The following NCAM2 variants were observed in gnomAD, a reference collection of about 807,000 sequenced individuals.
The protein encoded by NCAM2 is N-CAM-2.
Under a neutral mutation model 98.1 loss-of-function variants are expected in NCAM2, and 30 were observed. That is an observed-to-expected ratio of 0.31 (90% CI 0.23 to 0.41). The LOEUF (loss-of-function observed/expected upper bound fraction) is 0.41, where lower values mean the gene tolerates loss of function less well. Among genes scored for constraint, NCAM2 ranks in the 10% least tolerant of loss-of-function variants. NCAM2 has a pLI of 1.00. For missense variants in NCAM2, 867 were observed against 1,005.8 expected (o/e 0.86, Z 1.87); for synonymous variants, 368 against 342.4 (o/e 1.07, Z -0.83).
intron 1 of NCAM2, among the ~76,000 whole-genome samples, chr21:21,243,289 T>C (rs543441051): frequency 2.0e-5 from 3 of 152,296 alleles, no homozygotes; most frequent in Admixed American, 6.5e-5. Context: ...TGCATAGATA[T>C]GTTCTCAGGC....
At chr21:21,067,595 C>T (rs895012353) in intron 1 of NCAM2, among the ~76,000 whole-genome samples, 1 of 152,108 alleles carries the variant, frequency 6.6e-6, no homozygotes, top group Non-Finnish European at 1.5e-5. Context: ...CTTGCATCAT[C>T]CTACTTTTCA....
intron 1 of NCAM2, among the ~76,000 whole-genome samples, chr21:21,214,967 A>G (rs1027425812): frequency 6.6e-6 from 1 of 151,908 alleles, no homozygotes; most frequent in Non-Finnish European, 1.5e-5. Context: ...TACTGAAAGA[A>G]ACTCTTGGCA....
At chr21:21,322,098 C>T (rs562570688) in intron 5 of NCAM2, among the ~76,000 whole-genome samples, 2 of 152,236 alleles carry the variant, frequency 1.3e-5, no homozygotes. Context: ...AAATGCAGTA[C>T]CTATACACCA....
intron 1 of NCAM2, among the ~76,000 whole-genome samples, chr21:21,072,548 G>A (rs895177074): frequency 1.3e-5 from 2 of 151,964 alleles, no homozygotes; most frequent in Non-Finnish European, 2.9e-5. Flanking sequence ...TTTTATAGAG[G>A]ACCAGATAAA....
At chr21:21,242,657 C>T (rs1601743455) in intron 1 of NCAM2, among the ~76,000 whole-genome samples, 1 of 152,138 alleles carries the variant, frequency 6.6e-6, no homozygotes, top group Non-Finnish European at 1.5e-5. Context: ...TTGGAAATAA[C>T]AGAATTTCCT....
At chr21:21,034,800 C>T (rs6417713) in intron 1 of NCAM2, among the ~76,000 whole-genome samples, 145,835 of 152,190 alleles carry the variant, frequency 0.96, 70,189 homozygotes, top group East Asian at 1. Flanking sequence ...ATGGCAAGTT[C>T]AATTTATTTG....
chr21:21,000,478 A>G (rs947469737), intron 1 of NCAM2, among the ~76,000 whole-genome samples: 1 of 152,176 alleles, frequency 6.6e-6, no homozygotes, highest in Admixed American at 6.5e-5. Flanking sequence ...TAAATAGTAC[A>G]CAGAGACATA....
chr21:21,132,206 T>C (rs1220593552), intron 1 of NCAM2, among the ~76,000 whole-genome samples: 1 of 152,168 alleles, frequency 6.6e-6, no homozygotes, highest in African/African-American at 2.4e-5. Context: ...TCACTCTTTT[T>C]TACTCTCACT....
intron 1 of NCAM2, among the ~76,000 whole-genome samples, chr21:21,057,804 C>CA (rs1157588574): frequency 6.6e-6 from 1 of 152,076 alleles, no homozygotes; most frequent in East Asian, 1.9e-4. Flanking sequence ...CTAAAAGCTT[C>CA]AGGCCTCTCT....
At chr21:21,120,813 G>A (rs775308129) in intron 1 of NCAM2, among the ~76,000 whole-genome samples, 9 of 151,358 alleles carry the variant, frequency 5.9e-5, no homozygotes, top group Non-Finnish European at 1.2e-4. Flanking sequence ...CTGCCTCCCG[G>A]GTTCAGTCGA....
chr21:21,457,790 C>T (rs1982375035), intron 12 of NCAM2, among the ~76,000 whole-genome samples: 1 of 152,070 alleles, frequency 6.6e-6, no homozygotes, highest in Admixed American at 6.6e-5. Flanking sequence ...TTTTTCCTGA[C>T]TGCTTATATT....
intron 12 of NCAM2, among the ~76,000 whole-genome samples, chr21:21,453,429 C>A (rs1338935747): frequency 6.6e-6 from 1 of 151,970 alleles, no homozygotes; most frequent in East Asian, 1.9e-4. Flanking sequence ...TAGGAGTAGA[C>A]AGATAGCCAA....
At chr21:21,057,320 G>A (rs191099466) in intron 1 of NCAM2, among the ~76,000 whole-genome samples, 17 of 152,176 alleles carry the variant, frequency 1.1e-4, no homozygotes, top group Admixed American at 3.3e-4. Flanking sequence ...TAACAAAGAC[G>A]TGCAATTACC....
intron 1 of NCAM2, among the ~76,000 whole-genome samples, chr21:21,194,289 T>C (rs2068929102): frequency 6.6e-6 from 1 of 152,180 alleles, no homozygotes; most frequent in South Asian, 2.1e-4. Flanking sequence ...CTCTGATTCT[T>C]TATCAGAAAA....
chr21:21,133,271 T>C (rs1348995873), intron 1 of NCAM2, among the ~76,000 whole-genome samples: 1 of 152,218 alleles, frequency 6.6e-6, no homozygotes, highest in Non-Finnish European at 1.5e-5. Context: ...ACTCCTTGAC[T>C]TGTCTCTCTA....
chr21:21,100,506 G>T (rs1173465802), intron 1 of NCAM2, among the ~76,000 whole-genome samples: 2 of 151,966 alleles, frequency 1.3e-5, no homozygotes, highest in South Asian at 2.1e-4. Context: ...GGGGAGAAAG[G>T]AGCATGACAT....
chr21:21,404,427 C>G (rs1018570213), intron 9 of NCAM2, among the ~76,000 whole-genome samples: 2 of 152,078 alleles, frequency 1.3e-5, no homozygotes, highest in African/African-American at 4.8e-5. Context: ...GGGGTTTCCC[C>G]TTTTGCTTGG....
intron 5 of NCAM2, among the ~76,000 whole-genome samples, chr21:21,297,175 A>G (rs2073517816): frequency 6.6e-6 from 1 of 151,728 alleles, no homozygotes; most frequent in Admixed American, 6.6e-5. Flanking sequence ...AGGAGAATAT[A>G]TTTTATATTG....
Position 21,130,720 on chromosome 21 carries a change from T to C in NCAM2, c.55+132102T>C, listed in dbSNP as rs563578655. On this transcript the variant is annotated intron_variant, in intron 1 of 17. Transcript: ENST00000400546. Reference sequence around the variant, plus strand: ...TACTCTGTGCCATAACTTTTGCCTCTATGTAAATTACCAATTTTTTTTTGG... The same window carrying C: ...TACTCTGTGCCATAACTTTTGCCTCCATGTAAATTACCAATTTTTTTTTGG... Among the ~76,000 whole-genome samples the C allele has an allele frequency of 2.9e-4, 25 of 86,396 alleles. 1 individual carries two copies. The South Asian group carries it at 0.011, about 36-fold the overall frequency. The allele number at this position is 86,396 out of a possible 152,430, so 56.7% of individuals were successfully genotyped here. A position where few individuals can be genotyped will look rare whatever the true frequency, so the allele number is the denominator to read the frequency against.
Sources: gnomAD v4.1 joint callset for allele counts (sites outside exome capture counted in the v4.1 genomes callset) on GRCh38, gnomAD v4.1.1 for gene constraint, MANE v1.5 for transcripts, NCBI Gene and HGNC (gene_info 2026-07-23, HGNC 2026-07-21) for gene names.